Variants in LYN observed in about 807,000 individuals in gnomAD.
LYN encodes the protein LYN proto-oncogene, Src family tyrosine kinase.
In LYN, 12 loss-of-function variants were observed where a neutral mutation model predicts 65.0. That is an observed-to-expected ratio of 0.18 (90% CI 0.12 to 0.30). The LOEUF (loss-of-function observed/expected upper bound fraction) is 0.30, where lower values mean the gene tolerates loss of function less well. Among genes scored for constraint, LYN ranks in the 10% least tolerant of loss-of-function variants. The pLI is 1.00. For missense variants in LYN, 380 were observed against 623.2 expected (o/e 0.61, Z 4.16); for synonymous variants, 222 against 221.2 (o/e 1.00, Z -0.03).
intron 1 of LYN, among the ~76,000 whole-genome samples, chr8:55,886,220 A>G (rs1804787102): frequency 6.6e-6 from 1 of 151,740 alleles, no homozygotes; most frequent in South Asian, 2.1e-4. Flanking sequence ...TTCTTGGGAT[A>G]GAACAGTGGC....
intron 10 of LYN, among the ~76,000 whole-genome samples, chr8:55,992,958 A>G (rs1336687068): frequency 2.0e-5 from 3 of 152,138 alleles, no homozygotes; most frequent in Non-Finnish European, 4.4e-5. Context: ...TTTCAACATG[A>G]ATTTGGAGGG....
At chr8:55,954,097 A>T (rs907371924) in intron 8 of LYN, 113 bp downstream of exon 8, 3 of 1,203,494 alleles carry the variant, frequency 2.5e-6, no homozygotes, top group Non-Finnish European at 3.5e-6. Context: ...TGTCAGAAGC[A>T]TCATTTATTT....
rs1585554553 is a variant in LYN at position 55,880,029 on chromosome 8, C to T, written c.-80C>T. On this transcript the variant is annotated 5_prime_UTR_variant, in exon 1 of 13. Coordinates refer to ENST00000519728, the MANE Select transcript of LYN (RefSeq NM_002350.4). ...TCCCCATACGCAGGTCCTGCTGGGC[C>T]GCCCCGTCGCGCCCCCCACTCTGAA... 2 of 305,392 alleles carry T rather than the reference C, an allele frequency of 6.5e-6. No homozygotes were observed. The highest frequency in any genetic ancestry group is 6.6e-6 in the Non-Finnish European group (1 of 150,818). 18.9% of individuals were successfully genotyped at this position (305,392 alleles called of 1,614,324 possible). A position where few individuals can be genotyped will look rare whatever the true frequency, so the allele number is the denominator to read the frequency against.
intron 1 of LYN, among the ~76,000 whole-genome samples, chr8:55,912,852 C>T (rs1473951440): frequency 6.6e-6 from 1 of 151,888 alleles, no homozygotes; most frequent in Non-Finnish European, 1.5e-5. Flanking sequence ...TTTTAATGGA[C>T]TACAAATATT....
chr8:55,906,302 G>A (rs184633186), intron 1 of LYN, among the ~76,000 whole-genome samples: 1 of 152,258 alleles, frequency 6.6e-6, no homozygotes, highest in Non-Finnish European at 1.5e-5. Context: ...GCTGAGGTGG[G>A]AGGATTGCTT....
chr8:55,890,126 A>T lies in LYN; in HGVS notation c.-6+10023A>T, dbSNP rs561066622. ...AACCTGCCTCTATAGACAAAAAAAA[A>T]AAAAAAAAAAAAGAATAAATAAAAA... On this transcript the variant is annotated intron_variant, in intron 1 of 12. Coordinates refer to ENST00000519728, the MANE Select transcript of LYN (RefSeq NM_002350.4). Among the ~76,000 whole-genome samples, 447 of 150,516 alleles carry T rather than the reference A, an allele frequency of 3.0e-3. 2 individuals carry two copies. The highest frequency in any genetic ancestry group is 6.8e-3 in the Middle Eastern group (2 of 294).
At chr8:55,890,529 C>G (rs1314501203) in intron 1 of LYN, among the ~76,000 whole-genome samples, 1 of 152,138 alleles carries the variant, frequency 6.6e-6, no homozygotes. Flanking sequence ...ATGGTAGTTC[C>G]TCAAAAAATT....
At chr8:55,911,834 A>G (rs557364567) in intron 1 of LYN, among the ~76,000 whole-genome samples, 1 of 152,296 alleles carries the variant, frequency 6.6e-6, no homozygotes, top group South Asian at 2.1e-4. Flanking sequence ...TTTAAACTTC[A>G]GCACCTGGTG....
intron 8 of LYN, among the ~76,000 whole-genome samples, chr8:55,965,166 T>G (rs944687647): frequency 2.0e-5 from 3 of 152,202 alleles, no homozygotes; most frequent in Non-Finnish European, 4.4e-5. Context: ...AGGATTAAAG[T>G]GCTCAATCCC....
intron 2 of LYN, among the ~76,000 whole-genome samples, chr8:55,945,730 AC>A (rs143749858): frequency 1.3e-5 from 2 of 151,332 alleles, no homozygotes; most frequent in Admixed American, 6.6e-5. Context: ...CCAATAACTC[AC>A]CCCCCCACTG....
chr8:55,991,677 T>C (rs1808253944), intron 10 of LYN, among the ~76,000 whole-genome samples: 1 of 152,038 alleles, frequency 6.6e-6, no homozygotes, highest in South Asian at 2.1e-4. Flanking sequence ...ATGGTCTTCT[T>C]TGTCATCAGC....
chr8:55,911,397 C>T (rs189604499), intron 1 of LYN, among the ~76,000 whole-genome samples: 259 of 144,618 alleles, frequency 1.8e-3, no homozygotes, highest in African/African-American at 6.1e-3. Flanking sequence ...GTTGGGATTA[C>T]GGGCGTGAGC....
In LYN at chr8:56,011,084, C is replaced by T. The variant is rs1563333950; in HGVS notation, c.*974C>T. ...AGATCAAGTATTAATTTTAGTTGTA[C>T]TCTAGAAAGCTAAAGTGCCACATTC... On this transcript the variant is annotated 3_prime_UTR_variant, in exon 13 of 13. Coordinates refer to ENST00000519728, the MANE Select transcript of LYN (RefSeq NM_002350.4). 4.3e-6 allele frequency: 1 copy of T among 230,550 alleles called. No individual in the cohort carries two copies. The highest frequency in any genetic ancestry group is 2.2e-5 in the African/African-American group (1 of 45,214). The allele number at this position is 230,550 out of a possible 1,614,324, so 14.3% of individuals were successfully genotyped here.
chr8:55,931,196 G>A (rs1480000579), intron 1 of LYN, among the ~76,000 whole-genome samples: 1 of 145,864 alleles, frequency 6.9e-6, no homozygotes, highest in South Asian at 2.1e-4. Context: ...TATGTAACTC[G>A]TACATAGCAC....
chr8:56,004,223 C>T lies in LYN; in HGVS notation c.1336+4674C>T, dbSNP rs577536418. 2.2e-3 allele frequency among the ~76,000 whole-genome samples: 339 copies of T among 151,094 alleles called. 5 individuals carry two copies. The highest frequency in any genetic ancestry group is 7.3e-3 in the African/African-American group (302 of 41,146). On this transcript the variant is annotated intron_variant, in intron 12 of 12. Coordinates refer to ENST00000519728, the MANE Select transcript of LYN (RefSeq NM_002350.4). ...CTGGGATTACAGGTGTGAGTCACCG[C>T]ACCCGGCCTAAATATTTTATTCTTA...
At chr8:55,917,561 G>A (rs376503308) in intron 1 of LYN, among the ~76,000 whole-genome samples, 29 of 152,288 alleles carry the variant, frequency 1.9e-4, no homozygotes, top group Middle Eastern at 3.4e-3. Flanking sequence ...GGGAAGGGGA[G>A]GATAGTGCTA....
intron 1 of LYN, among the ~76,000 whole-genome samples, chr8:55,920,249 G>A (rs888493790): frequency 2.6e-5 from 4 of 152,150 alleles, no homozygotes; most frequent in African/African-American, 9.7e-5. Flanking sequence ...TGGGGGACTT[G>A]GGGACGCATC....
At chr8:55,932,019 C>T (rs1007359618) in intron 1 of LYN, among the ~76,000 whole-genome samples, 2 of 152,082 alleles carry the variant, frequency 1.3e-5, no homozygotes, top group African/African-American at 4.8e-5. Context: ...CATGCTTAAA[C>T]TTTAGTTTCT....
At chr8:55,954,041 A>G (rs1411172468) in intron 8 of LYN, 57 bp downstream of exon 8, 1 of 1,573,314 alleles carries the variant, frequency 6.4e-7, no homozygotes, top group East Asian at 2.2e-5. Context: ...GGAGAAGTAA[A>G]GGCTCAAGCC....
Sources: gnomAD v4.1 joint callset for allele counts (sites outside exome capture counted in the v4.1 genomes callset) on GRCh38, gnomAD v4.1.1 for gene constraint, MANE v1.5 for transcripts, NCBI Gene and HGNC (gene_info 2026-07-23, HGNC 2026-07-21) for gene names.